The following IMMP2L variants were observed in gnomAD, a reference collection of about 807,000 sequenced individuals.
The protein encoded by IMMP2L is mitochondrial inner membrane protease subunit 2.
A neutral mutation model predicts 19.3 loss-of-function variants in IMMP2L; 18 were observed. The ratio of observed to expected loss-of-function variants is 0.93; its 90% CI spans 0.64 to 1.38. The LOEUF (loss-of-function observed/expected upper bound fraction) is 1.38. IMMP2L is among the 40% of genes most tolerant of loss of function. The pLI is 0.00. For missense variants in IMMP2L, 233 were observed against 218.2 expected (o/e 1.07, Z -0.43); for synonymous variants, 76 against 73.0 (o/e 1.04, Z -0.21).
chr7:111,067,225 G>A (rs1794588264), intron 3 of IMMP2L, among the ~76,000 whole-genome samples: 1 of 152,196 alleles, frequency 6.6e-6, no homozygotes, highest in Admixed American at 6.5e-5. Flanking sequence ...TTGGAATATA[G>A]TTATGGGAAC....
At chr7:110,817,398 C>T (rs79737550) in intron 5 of IMMP2L, among the ~76,000 whole-genome samples, 1 of 152,050 alleles carries the variant, frequency 6.6e-6, no homozygotes, top group Non-Finnish European at 1.5e-5. Context: ...AGGAATCCAA[C>T]TTACAAGGGA....
chr7:111,073,739 G>A (rs1296500069), intron 3 of IMMP2L, among the ~76,000 whole-genome samples: 1 of 152,140 alleles, frequency 6.6e-6, no homozygotes, highest in East Asian at 1.9e-4. Flanking sequence ...CTGAAATAGA[G>A]ATCACCCTTA....
At chr7:111,487,808 A>C (rs1203377965) in intron 2 of IMMP2L, among the ~76,000 whole-genome samples, 1 of 152,134 alleles carries the variant, frequency 6.6e-6, no homozygotes, top group Non-Finnish European at 1.5e-5. Flanking sequence ...GGGGCAAAAG[A>C]AAGATGTGAT....
intron 1 of IMMP2L, among the ~76,000 whole-genome samples, chr7:111,522,093 G>C (rs534364862): frequency 7.2e-5 from 11 of 152,148 alleles, no homozygotes; most frequent in African/African-American, 2.6e-4. Flanking sequence ...TCCTAGGTCC[G>C]CAACACCATG....
chr7:110,850,195 C>G (rs1185351754), intron 5 of IMMP2L, among the ~76,000 whole-genome samples: 2 of 152,154 alleles, frequency 1.3e-5, no homozygotes, highest in South Asian at 4.1e-4. Flanking sequence ...GACTTGTTTT[C>G]TGCTATCAAA....
chr7:111,201,805 C>A (rs529829887), intron 3 of IMMP2L, among the ~76,000 whole-genome samples: 50 of 152,056 alleles, frequency 3.3e-4, no homozygotes, highest in Middle Eastern at 3.5e-3. Context: ...GAGATTAGTG[C>A]CCTTATAAAA....
At chr7:110,839,373 C>T (rs1256666631) in intron 5 of IMMP2L, among the ~76,000 whole-genome samples, 1 of 151,966 alleles carries the variant, frequency 6.6e-6, no homozygotes, top group African/African-American at 2.4e-5. Context: ...TGCTAAAAGG[C>T]TAATTCATTT....
intron 3 of IMMP2L, among the ~76,000 whole-genome samples, chr7:111,040,370 G>A (rs1169844130): frequency 6.6e-6 from 1 of 152,134 alleles, no homozygotes; most frequent in Non-Finnish European, 1.5e-5. Context: ...ACTGATAGCA[G>A]TAGTGATATT....
intron 2 of IMMP2L, among the ~76,000 whole-genome samples, chr7:111,495,736 A>T (rs941945112): frequency 2.0e-5 from 3 of 152,166 alleles, no homozygotes; most frequent in Non-Finnish European, 2.9e-5. Context: ...TAAATTTTTT[A>T]TTCATTTTTT....
At chr7:111,511,685 T>A (rs1164859134) in intron 2 of IMMP2L, among the ~76,000 whole-genome samples, 1 of 149,354 alleles carries the variant, frequency 6.7e-6, no homozygotes, top group Admixed American at 6.7e-5. Flanking sequence ...AAAAGCCTAC[T>A]CTCTCTAGCC....
intron 2 of IMMP2L, among the ~76,000 whole-genome samples, chr7:111,517,080 T>C (rs868615835): frequency 2.4e-4 from 36 of 152,008 alleles, no homozygotes; most frequent in Middle Eastern, 3.4e-3. Context: ...ATAATGACTG[T>C]TGAGTATTAT....
intron 3 of IMMP2L, among the ~76,000 whole-genome samples, chr7:111,476,270 G>A (rs1388299317): frequency 6.6e-6 from 1 of 152,060 alleles, no homozygotes; most frequent in East Asian, 1.9e-4. Context: ...GGCAAATAGA[G>A]GCTTTCAGAT....
At position 111,267,466 on chromosome 7, in the gene IMMP2L, T is replaced by C. The variant is rs2130081527; in HGVS notation, c.239+219772A>G. ...GCAGGGTGATGGGAACTTCATGCCATCTGTTTCATTGCTAGGAGCGCTAGT... is the reference window on the plus strand; with the variant it reads ...GCAGGGTGATGGGAACTTCATGCCACCTGTTTCATTGCTAGGAGCGCTAGT... On this transcript the variant is annotated intron_variant, in intron 3 of 5. Transcript: ENST00000405709. 1.3e-5 allele frequency among the ~76,000 whole-genome samples: 2 copies of C among 152,248 alleles called. 1 individual carries two copies. The highest frequency in any genetic ancestry group is 4.1e-4 in the South Asian group (2 of 4,822).
intron 2 of IMMP2L, among the ~76,000 whole-genome samples, chr7:111,509,784 A>C (rs1845273904): frequency 1.3e-5 from 2 of 152,146 alleles, no homozygotes; most frequent in South Asian, 2.1e-4. Context: ...TTTTAGGAGA[A>C]TAGTTCACCA....
At chr7:111,065,016 T>C (rs868650973) in intron 3 of IMMP2L, among the ~76,000 whole-genome samples, 4 of 152,128 alleles carry the variant, frequency 2.6e-5, no homozygotes, top group African/African-American at 9.7e-5. Context: ...AATCCAAGCA[T>C]GCTGAGGTGC....
At chr7:111,441,954 T>C (rs560297954) in intron 3 of IMMP2L, among the ~76,000 whole-genome samples, 1 of 151,696 alleles carries the variant, frequency 6.6e-6, no homozygotes, top group Admixed American at 6.6e-5. Context: ...CTGGCCAACA[T>C]GGTGAAACCC....
chr7:111,032,945 C>T (rs762311587), intron 3 of IMMP2L, among the ~76,000 whole-genome samples: 7 of 152,184 alleles, frequency 4.6e-5, no homozygotes, highest in East Asian at 3.9e-4. Context: ...CATGGTGAAA[C>T]GCCATCTCTA....
intron 3 of IMMP2L, among the ~76,000 whole-genome samples, chr7:111,344,364 G>GCTTC (rs1255189676): frequency 6.6e-6 from 1 of 152,140 alleles, no homozygotes; most frequent in East Asian, 1.9e-4. Flanking sequence ...GTGTATGCCT[G>GCTTC]CTTCCTTTTC....
chr7:110,883,533 C>A (rs1408138086), intron 5 of IMMP2L, among the ~76,000 whole-genome samples: 1 of 152,124 alleles, frequency 6.6e-6, no homozygotes, highest in Non-Finnish European at 1.5e-5. Context: ...GGCACTCTAT[C>A]ATAAATAGTT....
Sources: allele counts gnomAD v4.1 joint callset (sites outside exome capture counted in the v4.1 genomes callset), GRCh38; gene constraint gnomAD v4.1.1; transcripts MANE v1.5; gene names NCBI Gene and HGNC (gene_info 2026-07-23, HGNC 2026-07-21).